Variants in ZFR observed in about 807,000 individuals in gnomAD.
The protein encoded by ZFR is zinc finger RNA-binding protein.
ZFR carries 19 observed loss-of-function variants against 130.7 expected under a neutral mutation model. The observed-to-expected ratio is 0.15, with a 90% CI of 0.10 to 0.21. ZFR has a LOEUF of 0.21. Ranked by LOEUF, ZFR falls within the 10% of genes least tolerant of loss-of-function variation. ZFR has a pLI of 1.00. For missense variants in ZFR, 872 were observed against 1,321.5 expected, an observed-to-expected ratio of 0.66 and a Z score of 5.27; for synonymous variants, 466 against 456.9, an observed-to-expected ratio of 1.02 and a Z score of -0.25.
intron 3 of ZFR, among the ~76,000 whole-genome samples, chr5:32,418,088 G>A (rs970657886): frequency 3.9e-5 from 6 of 151,912 alleles, no homozygotes; most frequent in South Asian, 2.1e-4. Flanking sequence ...GTGAGACCCC[G>A]TCTCTACTAA....
At chr5:32,371,498 T>G (rs913768805) in intron 17 of ZFR, among the ~76,000 whole-genome samples, 29 of 152,196 alleles carry the variant, frequency 1.9e-4, no homozygotes, top group Non-Finnish European at 2.9e-5. Context: ...TGCTTAAGCT[T>G]GGCTCTCCAG....
At chr5:32,430,106 G>C (rs1442753494) in intron 2 of ZFR, among the ~76,000 whole-genome samples, 1 of 127,840 alleles carries the variant, frequency 7.8e-6, no homozygotes, top group African/African-American at 2.8e-5. Context: ...AAAAAATCAC[G>C]ATAAAACCCA....
intron 2 of ZFR, among the ~76,000 whole-genome samples, chr5:32,420,659 CA>C (rs1311475561): frequency 1.3e-5 from 2 of 152,138 alleles, no homozygotes; most frequent in African/African-American, 4.8e-5. Flanking sequence ...GACATATGGC[CA>C]TATCTGCATA....
At chr5:32,367,485 T>C (rs1752573820) in intron 17 of ZFR, among the ~76,000 whole-genome samples, 1 of 151,730 alleles carries the variant, frequency 6.6e-6, no homozygotes, top group African/African-American at 2.4e-5. Flanking sequence ...AATAAATAAA[T>C]AAATAACTCA....
At chr5:32,408,313 TAAAAAAA>T (rs781068231) in intron 5 of ZFR, among the ~76,000 whole-genome samples, 6 of 71,262 alleles carry the variant, frequency 8.4e-5, no homozygotes, top group Non-Finnish European at 1.8e-4. Context: ...AACGTTTGAT[TAAAAAAA>T]AAAAAAAAAA....
At chr5:32,368,059 G>T (rs1020935074) in intron 17 of ZFR, among the ~76,000 whole-genome samples, 2 of 151,914 alleles carry the variant, frequency 1.3e-5, no homozygotes, top group Non-Finnish European at 2.9e-5. Flanking sequence ...GATCCAGAGA[G>T]AAAACATTAA....
chr5:32,357,622 C>T (rs1273515602), intron 19 of ZFR, among the ~76,000 whole-genome samples: 1 of 152,138 alleles, frequency 6.6e-6, no homozygotes, highest in African/African-American at 2.4e-5. Flanking sequence ...GGCTCATTTC[C>T]CTAAGTTTAA....
chr5:32,366,981 G>A (rs911482676), intron 17 of ZFR, among the ~76,000 whole-genome samples: 2 of 151,450 alleles, frequency 1.3e-5, no homozygotes, highest in Non-Finnish European at 2.9e-5. Flanking sequence ...AGCCGAGCTT[G>A]AACTCCTGGG....
At chr5:32,402,886 G>A (rs1034475480) in intron 8 of ZFR, among the ~76,000 whole-genome samples, 2 of 151,430 alleles carry the variant, frequency 1.3e-5, no homozygotes, top group African/African-American at 4.9e-5. Context: ...AATGACTAGA[G>A]GAAGACACAG....
chr5:32,439,978 T>C (rs1581721099), intron 2 of ZFR, among the ~76,000 whole-genome samples: 1 of 152,084 alleles, frequency 6.6e-6, no homozygotes, highest in Non-Finnish European at 1.5e-5. Context: ...TCTTTGACAA[T>C]GAAGAAGTTA....
chr5:32,421,939 T>C (rs1473640775), intron 2 of ZFR, among the ~76,000 whole-genome samples: 2 of 152,156 alleles, frequency 1.3e-5, no homozygotes, highest in African/African-American at 2.4e-5. Flanking sequence ...GGTCATACTT[T>C]TCCAAAATTC....
chr5:32,425,729 T>A (rs1754059718), intron 2 of ZFR, among the ~76,000 whole-genome samples: 1 of 152,180 alleles, frequency 6.6e-6, no homozygotes, highest in African/African-American at 2.4e-5. Flanking sequence ...TTTCACCATG[T>A]TGGCCAGGCT....
chr5:32,379,919 C>T (rs1334674200), intron 16 of ZFR, 156 bp downstream of exon 16: 4 of 564,532 alleles, frequency 7.1e-6, no homozygotes, highest in Non-Finnish European at 1.2e-5. Flanking sequence ...TGCAGATCAT[C>T]ATACCCAGCT....
chr5:32,399,676 C>T (rs1753399783), intron 9 of ZFR, among the ~76,000 whole-genome samples: 1 of 152,172 alleles, frequency 6.6e-6, no homozygotes, highest in Non-Finnish European at 1.5e-5. Flanking sequence ...TCTTTATCAA[C>T]ATTTTTGCTG....
At chr5:32,394,913 A>G (rs1055366695) in intron 11 of ZFR, among the ~76,000 whole-genome samples, 4 of 152,162 alleles carry the variant, frequency 2.6e-5, no homozygotes, top group African/African-American at 4.8e-5. Context: ...CTATTTCTTC[A>G]TATGTTTAAT....
At chr5:32,380,751 C>T (rs998571323) in intron 15 of ZFR, among the ~76,000 whole-genome samples, 21 of 147,312 alleles carry the variant, frequency 1.4e-4, no homozygotes, top group South Asian at 6.4e-4. Context: ...TGGGTTCAAG[C>T]GATTCTCCTG....
chr5:32,382,243 G>A (rs1752949640), intron 15 of ZFR, among the ~76,000 whole-genome samples: 1 of 152,082 alleles, frequency 6.6e-6, no homozygotes, highest in African/African-American at 2.4e-5. Context: ...CCTGGGAGGT[G>A]GAGGTTGCAG....
intron 17 of ZFR, among the ~76,000 whole-genome samples, chr5:32,378,294 T>C (rs772389411): frequency 6.6e-6 from 1 of 152,220 alleles, no homozygotes; most frequent in Non-Finnish European, 1.5e-5. Context: ...GGCATGTCCA[T>C]AGAAAGAATG....
intron 15 of ZFR, among the ~76,000 whole-genome samples, chr5:32,382,815 A>G (rs1285651122): frequency 6.6e-6 from 1 of 152,212 alleles, no homozygotes; most frequent in Non-Finnish European, 1.5e-5. Context: ...AGCTATAAGT[A>G]GAAAATTTTT....
Sources: gnomAD v4.1 joint callset for allele counts (sites outside exome capture counted in the v4.1 genomes callset) on GRCh38, gnomAD v4.1.1 for gene constraint, MANE v1.5 for transcripts, NCBI Gene and HGNC (gene_info 2026-07-23, HGNC 2026-07-21) for gene names.